Variants in VRK2 observed in about 807,000 individuals in gnomAD.
VRK2 encodes the protein VRK serine/threonine kinase 2.
VRK2 carries 60 observed loss-of-function variants against 57.6 expected under a neutral mutation model. The ratio of observed to expected loss-of-function variants is 1.04; its 90% confidence interval spans 0.85 to 1.29. The LOEUF (loss-of-function observed/expected upper bound fraction) is 1.29. VRK2 is among the 50% of genes most tolerant of loss of function. The pLI is 0.00. For synonymous variants in VRK2, 231 were observed against 199.2 expected, an observed-to-expected ratio of 1.16 and a Z score of -1.35; for missense variants, 705 against 588.1, an observed-to-expected ratio of 1.20 and a Z score of -2.06.
At chr2:57,977,130 T>C (rs926710849) in intron 1 of VRK2, among the ~76,000 whole-genome samples, 1 of 152,188 alleles carries the variant, frequency 6.6e-6, no homozygotes, top group African/African-American at 2.4e-5. Flanking sequence ...GTAGTATAAT[T>C]TGAAGTCAGG....
At chr2:58,048,032 A>G (rs1423457568) in intron 1 of VRK2, among the ~76,000 whole-genome samples, 1 of 152,158 alleles carries the variant, frequency 6.6e-6, no homozygotes, top group Non-Finnish European at 1.5e-5. Context: ...TGGCATATGT[A>G]TTTTCCCCTA....
intron 7 of VRK2, among the ~76,000 whole-genome samples, chr2:58,116,024 T>C (rs1676415374): frequency 6.6e-6 from 1 of 152,212 alleles, no homozygotes; most frequent in Non-Finnish European, 1.5e-5. Context: ...GATTCTGAAC[T>C]AACTTTTAAG....
At chr2:58,133,342 G>C (rs112084481) in intron 9 of VRK2, among the ~76,000 whole-genome samples, 7 of 151,932 alleles carry the variant, frequency 4.6e-5, no homozygotes, top group African/African-American at 1.7e-4. Context: ...TCTTCATTTT[G>C]ACTTGATTAA....
At chr2:57,995,674 T>G (rs1161203787) in intron 1 of VRK2, among the ~76,000 whole-genome samples, 2 of 152,224 alleles carry the variant, frequency 1.3e-5, no homozygotes, top group Non-Finnish European at 2.9e-5. Context: ...GCTTTATGAG[T>G]ACTTCCTGTC....
intron 1 of VRK2, among the ~76,000 whole-genome samples, chr2:57,992,346 T>A (rs1672793195): frequency 6.6e-6 from 1 of 152,144 alleles, no homozygotes; most frequent in Non-Finnish European, 1.5e-5. Context: ...TAGATAGTTT[T>A]ATGGAGAAAT....
In VRK2 at chr2:58,139,668, G is replaced by A. The variant is rs1225641709; in HGVS notation, c.859G>A (p.Glu287Lys). 1 of 1,610,252 alleles carries A rather than the reference G, an allele frequency of 6.2e-7. No homozygotes were observed. The highest frequency in any genetic ancestry group is 2.2e-5 in the East Asian group (1 of 44,752). Residue 287 changes from glutamate (E) to lysine (K), a missense_variant and splice_region_variant, in exon 11 of 13, where the codon GAA (glutamate) becomes AAA (lysine). Coordinates refer to ENST00000340157, the MANE Select transcript of VRK2 (RefSeq NM_006296.7). ...GTAAAAAATTTAATAATTCACAGGT[G>A]AAATAGCCCAATTTTTGGTATGTGC... is the stretch of plus-strand genomic sequence containing the variant. ...KWAPSGSSCC[E>K]IAQFLVCAHS...
chr2:57,998,789 G>T (rs1320168587), intron 1 of VRK2, among the ~76,000 whole-genome samples: 2 of 152,116 alleles, frequency 1.3e-5, no homozygotes, highest in African/African-American at 4.8e-5. Context: ...AGTACAATTA[G>T]TCACAGATAC....
At chr2:58,076,071 T>C (rs1670058028) in intron 2 of VRK2, among the ~76,000 whole-genome samples, 1 of 151,788 alleles carries the variant, frequency 6.6e-6, no homozygotes, top group Non-Finnish European at 1.5e-5. Context: ...AAACCTCTCT[T>C]TACTTTTTAA....
At chr2:57,972,461 A>G (rs917555180) in intron 1 of VRK2, among the ~76,000 whole-genome samples, 1 of 151,864 alleles carries the variant, frequency 6.6e-6, no homozygotes, top group African/African-American at 2.4e-5. Flanking sequence ...AGATTACCAG[A>G]AACAGTTTAT....
intron 8 of VRK2, among the ~76,000 whole-genome samples, chr2:58,130,100 A>G (rs990659409): frequency 7.2e-5 from 11 of 152,188 alleles, no homozygotes; most frequent in Non-Finnish European, 1.6e-4. Flanking sequence ...CTTCATATCA[A>G]TTAATCCCTC....
chr2:58,157,990 GGT>G (rs1684230891), intron 12 of VRK2, among the ~76,000 whole-genome samples: 1 of 152,168 alleles, frequency 6.6e-6, no homozygotes. Context: ...GAAGACAACA[GGT>G]GGTTAAATTC....
intron 2 of VRK2, among the ~76,000 whole-genome samples, chr2:58,069,674 G>A (rs1247416292): frequency 1.3e-5 from 2 of 152,190 alleles, no homozygotes; most frequent in African/African-American, 2.4e-5. Flanking sequence ...TGCTGCTGCC[G>A]CCACTGTCAT....
chr2:58,036,717 G>C (rs1674285829), intron 3 of VRK2, among the ~76,000 whole-genome samples: 1 of 151,912 alleles, frequency 6.6e-6, no homozygotes, highest in Non-Finnish European at 1.5e-5. Flanking sequence ...TATTCTGTGT[G>C]GTTATCACAC....
At chr2:57,909,996 T>C (rs911322897) in intron 1 of VRK2, among the ~76,000 whole-genome samples, 2 of 152,022 alleles carry the variant, frequency 1.3e-5, no homozygotes, top group African/African-American at 4.8e-5. Flanking sequence ...TTCATCCACA[T>C]AGTCAATTTA....
chr2:57,919,534 A>T (rs1054650733), intron 1 of VRK2, among the ~76,000 whole-genome samples: 1 of 152,080 alleles, frequency 6.6e-6, no homozygotes, highest in Non-Finnish European at 1.5e-5. Context: ...TGTACATTCT[A>T]AATCTAAATA....
At chr2:57,914,348 A>G (rs1289024580) in intron 1 of VRK2, among the ~76,000 whole-genome samples, 2 of 151,992 alleles carry the variant, frequency 1.3e-5, no homozygotes, top group African/African-American at 2.4e-5. Flanking sequence ...CCTAGGACAT[A>G]GCACACAGTA....
In VRK2 at chr2:58,131,800, T is replaced by C. The variant is rs1401339831; in HGVS notation, c.677-8T>C. On this transcript the variant is annotated splice_region_variant and splice_polypyrimidine_tract_variant and intron_variant, in intron 8 of 12. Coordinates refer to ENST00000340157, the MANE Select transcript of VRK2 (RefSeq NM_006296.7). ...CCTTATCTTTCTCTCTAATGCTTAC[T>C]CCTATAGCCTTGTCCAGACGAAGTG... 1.9e-6 allele frequency: 3 copies of C among 1,601,188 alleles called. No individual in the cohort carries two copies. The highest frequency in any genetic ancestry group is 2.6e-6 in the Non-Finnish European group (3 of 1,175,782).
intron 8 of VRK2, among the ~76,000 whole-genome samples, chr2:58,130,300 C>G (rs1306324667): frequency 6.6e-6 from 1 of 152,088 alleles, no homozygotes; most frequent in Non-Finnish European, 1.5e-5. Flanking sequence ...AGAAAGGAGA[C>G]TTGTGAACAC....
chr2:57,986,596 A>ATTTT (rs11452161), intron 1 of VRK2, among the ~76,000 whole-genome samples: 2 of 124,538 alleles, frequency 1.6e-5, no homozygotes, highest in African/African-American at 3.0e-5. Context: ...AGTTCAATCG[A>ATTTT]TTTTTTTTTT....
Sources: gnomAD v4.1 joint callset for allele counts (sites outside exome capture counted in the v4.1 genomes callset) on GRCh38, gnomAD v4.1.1 for gene constraint, MANE v1.5 for transcripts, NCBI Gene and HGNC (gene_info 2026-07-23, HGNC 2026-07-21) for gene names.